SLC9A9: variants seen among roughly 807,000 people sequenced by gnomAD.
SLC9A9 encodes sodium/hydrogen exchanger 9.
A neutral mutation model predicts 77.8 loss-of-function variants in SLC9A9; 62 were observed. That is an observed-to-expected ratio of 0.80 (90% CI 0.65 to 0.98). The LOEUF is 0.98. SLC9A9 is among the 50% of genes least tolerant of loss of function. The probability of loss-of-function intolerance (pLI) is 0.00; values close to 1 mark genes in which losing one functional copy is unlikely to be tolerated. For missense variants in SLC9A9, 775 were observed against 774.9 expected (o/e 1.00, Z 0.00); for synonymous variants, 320 against 283.5 (o/e 1.13, Z -1.29).
intron 5 of SLC9A9, among the ~76,000 whole-genome samples, chr3:143,670,430 G>A (rs151239349): frequency 0.014 from 2,114 of 152,296 alleles, 20 homozygotes; most frequent in Middle Eastern, 0.024. Flanking sequence ...TGAATGAGGG[G>A]AGGGCTGTCA....
At chr3:143,526,895 C>T (rs192833317) in intron 9 of SLC9A9, among the ~76,000 whole-genome samples, 3 of 152,232 alleles carry the variant, frequency 2.0e-5, no homozygotes, top group Admixed American at 1.3e-4. Context: ...ATATATCAAG[C>T]TTCTTGTGGG....
chr3:143,766,090 CTT>C (rs1213101952), intron 4 of SLC9A9, among the ~76,000 whole-genome samples: 1 of 152,128 alleles, frequency 6.6e-6, no homozygotes, highest in Non-Finnish European at 1.5e-5. Context: ...CCTGCGGACT[CTT>C]GAGCTGTTAT....
At chr3:143,342,005 G>T (rs2032113881) in intron 14 of SLC9A9, among the ~76,000 whole-genome samples, 1 of 152,168 alleles carries the variant, frequency 6.6e-6, no homozygotes, top group African/African-American at 2.4e-5. Flanking sequence ...ACCTCTGGAT[G>T]TGGAGCTGTG....
intron 4 of SLC9A9, among the ~76,000 whole-genome samples, chr3:143,734,842 A>G (rs938749414): frequency 6.6e-6 from 1 of 152,164 alleles, no homozygotes; most frequent in African/African-American, 2.4e-5. Context: ...GTCAAATAAC[A>G]TGACCATGCT....
At chr3:143,322,080 G>T (rs2031440401) in intron 14 of SLC9A9, among the ~76,000 whole-genome samples, 1 of 152,174 alleles carries the variant, frequency 6.6e-6, no homozygotes, top group South Asian at 2.1e-4. Flanking sequence ...CTGACCTTTT[G>T]GTTGCTCTCA....
At chr3:143,415,470 G>A (rs1263339319) in intron 12 of SLC9A9, among the ~76,000 whole-genome samples, 1 of 152,072 alleles carries the variant, frequency 6.6e-6, no homozygotes, top group African/African-American at 2.4e-5. Flanking sequence ...AAAATCCTAG[G>A]GCCATTAAGA....
At position 143,754,410 on chromosome 3, in the gene SLC9A9, T is replaced by C. The variant is rs187497533; in HGVS notation, c.533+40591A>G. On this transcript the variant is annotated intron_variant, in intron 4 of 15. Coordinates refer to ENST00000316549, the MANE Select transcript of SLC9A9 (RefSeq NM_173653.4). ...TTCTATTCTTTCTTTGTTATGGTTT[T>C]CCTTTTCAAGCTCCCAAACACGATT... Among the ~76,000 whole-genome samples, 1,026 of 152,330 alleles carry C rather than the reference T, an allele frequency of 6.7e-3. 2 individuals carry two copies. The highest frequency in any genetic ancestry group is 0.011 in the Non-Finnish European group (744 of 68,022).
At position 143,341,993 on chromosome 3, in the gene SLC9A9, C is replaced by A. The variant is rs147010582; in HGVS notation, c.1604+21491G>T. On this transcript the variant is annotated intron_variant, in intron 14 of 15. Transcript: ENST00000316549. ...TGAGTTTCATTGATTCCGGGTGAAA[C>A]TACCTCTGGATGTGGAGCTGTGTTA... Among the ~76,000 whole-genome samples, 1,077 of 152,268 alleles carry A rather than the reference C, an allele frequency of 7.1e-3. 16 individuals are homozygous for A. Among genetic ancestry groups the A allele is most frequent in the African/African-American group, 0.025 (1,030 of 41,544 alleles).
At chr3:143,455,649 A>C (rs2035077619) in intron 12 of SLC9A9, among the ~76,000 whole-genome samples, 1 of 152,120 alleles carries the variant, frequency 6.6e-6, no homozygotes, top group Non-Finnish European at 1.5e-5. Context: ...GTTTAGTCCC[A>C]AGTATTTACA....
intron 14 of SLC9A9, among the ~76,000 whole-genome samples, chr3:143,276,971 A>C (rs1938069888): frequency 6.6e-6 from 1 of 152,216 alleles, no homozygotes; most frequent in African/African-American, 2.4e-5. Context: ...TGGTATGCTT[A>C]GTATCTTAGT....
intron 13 of SLC9A9, among the ~76,000 whole-genome samples, chr3:143,373,162 G>T (rs966675036): frequency 1.3e-5 from 2 of 152,118 alleles, no homozygotes; most frequent in African/African-American, 4.8e-5. Flanking sequence ...TATATTTATT[G>T]CAATACAATT....
At chr3:143,280,484 C>T (rs1279622432) in intron 14 of SLC9A9, among the ~76,000 whole-genome samples, 3 of 151,894 alleles carry the variant, frequency 2.0e-5, no homozygotes, top group Admixed American at 6.6e-5. Flanking sequence ...ATACTTTTTT[C>T]CTCAGATGTA....
intron 2 of SLC9A9, among the ~76,000 whole-genome samples, chr3:143,798,543 T>C (rs1186861764): frequency 6.6e-6 from 1 of 152,126 alleles, no homozygotes; most frequent in Non-Finnish European, 1.5e-5. Flanking sequence ...TCTTCTCCCT[T>C]AGCCTGTGTT....
At chr3:143,626,819 T>C (rs989853581) in intron 6 of SLC9A9, 2 of 151,452 alleles carry the variant, frequency 1.3e-5, no homozygotes, top group African/African-American at 4.9e-5. Context: ...TACTATCCCA[T>C]GACAGATAGA....
intron 12 of SLC9A9, among the ~76,000 whole-genome samples, chr3:143,410,112 G>C (rs2034064231): frequency 6.6e-6 from 1 of 152,152 alleles, no homozygotes; most frequent in Non-Finnish European, 1.5e-5. Context: ...CAATCTCCTA[G>C]GATAGCCCCT....
At chr3:143,697,657 T>C (rs928814586) in intron 4 of SLC9A9, among the ~76,000 whole-genome samples, 52 of 151,814 alleles carry the variant, frequency 3.4e-4, no homozygotes, top group African/African-American at 1.2e-3. Context: ...TATAATGCTT[T>C]TGAAATCAGG....
At chr3:143,399,658 A>G (rs2033807478) in intron 12 of SLC9A9, among the ~76,000 whole-genome samples, 1 of 152,192 alleles carries the variant, frequency 6.6e-6, no homozygotes, top group Admixed American at 6.5e-5. Flanking sequence ...AATTTGGCGG[A>G]AAATAACATA....
chr3:143,655,068 C>T lies in SLC9A9; in HGVS notation c.650-2708G>A, dbSNP rs143451317. Among the ~76,000 whole-genome samples the T allele has an allele frequency of 3.3e-5, 5 of 152,326 alleles. No homozygotes were observed. The East Asian group carries it at 5.8e-4, about 18-fold the overall frequency. On this transcript the variant is annotated intron_variant, in intron 5 of 15. Coordinates refer to ENST00000316549, the MANE Select transcript of SLC9A9 (RefSeq NM_173653.4). ...GGAATAGTTTTGAAATAAAGCTAGACAGTGTGTCCTACAAGAGGGAGTATT... is the reference window on the plus strand; with the variant it reads ...GGAATAGTTTTGAAATAAAGCTAGATAGTGTGTCCTACAAGAGGGAGTATT...
At chr3:143,588,413 C>T (rs1436193094) in intron 6 of SLC9A9, among the ~76,000 whole-genome samples, 1 of 152,168 alleles carries the variant, frequency 6.6e-6, no homozygotes, top group African/African-American at 2.4e-5. Flanking sequence ...AGGTTGGAGC[C>T]AGGTTGATGA....
Sources: gnomAD v4.1 joint callset for allele counts (sites outside exome capture counted in the v4.1 genomes callset) on GRCh38, gnomAD v4.1.1 for gene constraint, MANE v1.5 for transcripts, NCBI Gene and HGNC (gene_info 2026-07-23, HGNC 2026-07-21) for gene names.